Variants in LIN28B observed in about 807,000 individuals in gnomAD.
LIN28B encodes protein lin-28 homolog B.
Under a neutral mutation model 21.9 loss-of-function variants are expected in LIN28B, and 5 were observed. The observed-to-expected ratio is 0.23, with a 90% CI of 0.12 to 0.48. The LOEUF is 0.48. Ranked by LOEUF, LIN28B falls within the 20% of genes least tolerant of loss-of-function variation. The pLI is 0.98. For synonymous variants in LIN28B, 109 were observed against 111.3 expected, an observed-to-expected ratio of 0.98 and a Z score of 0.13; for missense variants, 245 against 310.5, an observed-to-expected ratio of 0.79 and a Z score of 1.58.
chr6:105,061,982 T>G (rs1037905429), intron 3 of LIN28B, among the ~76,000 whole-genome samples: 5 of 152,186 alleles, frequency 3.3e-5, no homozygotes, highest in Non-Finnish European at 7.3e-5. Flanking sequence ...CCAACTTGCC[T>G]TCCTAAACAT....
intron 2 of LIN28B, among the ~76,000 whole-genome samples, chr6:105,023,627 T>TA (rs1491252452): frequency 5.0e-4 from 33 of 65,800 alleles, no homozygotes; most frequent in African/African-American, 8.3e-4. Context: ...ATATTATATA[T>TA]TTTATATATA....
intron 3 of LIN28B, among the ~76,000 whole-genome samples, chr6:105,077,861 T>A (rs1003959281): frequency 4.6e-5 from 7 of 152,232 alleles, no homozygotes; most frequent in Non-Finnish European, 1.0e-4. Flanking sequence ...CATTACTTAA[T>A]TTTATACAAA....
upstream of LIN28B, among the ~76,000 whole-genome samples, chr6:104,953,755 G>A (rs554197325): frequency 3.9e-5 from 6 of 152,312 alleles, no homozygotes; most frequent in East Asian, 1.2e-3. Flanking sequence ...CTGGAGAGGC[G>A]GGTTGCGATG....
chr6:104,957,390 C>T (rs573112598), intron 1 of LIN28B, 130 bp downstream of exon 1: 2 of 585,664 alleles, frequency 3.4e-6, no homozygotes, highest in South Asian at 4.1e-5. Context: ...TACCTCCCAA[C>T]CCCCCATCAC....
intron 3 of LIN28B, among the ~76,000 whole-genome samples, chr6:105,057,703 T>C (rs181105784): frequency 6.6e-6 from 1 of 152,302 alleles, no homozygotes; most frequent in East Asian, 1.9e-4. Context: ...TATTTTAAAA[T>C]TGAAGTATGT....
At chr6:104,944,832 A>G (rs1019816542) in intron 2 of LIN28B, among the ~76,000 whole-genome samples, 1 of 152,160 alleles carries the variant, frequency 6.6e-6, no homozygotes, top group Non-Finnish European at 1.5e-5. Flanking sequence ...CAAAGGTGAC[A>G]AATCAGGACA....
chr6:104,962,240 C>A (rs1769762000), intron 2 of LIN28B, among the ~76,000 whole-genome samples: 1 of 151,900 alleles, frequency 6.6e-6, no homozygotes, highest in Non-Finnish European at 1.5e-5. Flanking sequence ...ATAATGTATG[C>A]ATAATGTATG....
chr6:104,992,867 T>G (rs74415270), intron 2 of LIN28B, among the ~76,000 whole-genome samples: 4,897 of 152,164 alleles, frequency 0.032, 277 homozygotes, highest in African/African-American at 0.11. Context: ...TTTACTTTTC[T>G]CAAAATTTTT....
In LIN28B at chr6:105,064,127, T is replaced by G. The variant is rs930521423; in HGVS notation, c.384-14287T>G. On this transcript the variant is annotated intron_variant, in intron 3 of 3. Transcript: ENST00000345080. ...TTTCTTGCATCTTATGTAGTGGCTC[T>G]GTGGTGCATATTTACTGTATGTTAA... 7.2e-5 allele frequency among the ~76,000 whole-genome samples: 11 copies of G among 152,178 alleles called. No homozygotes were observed. In the South Asian group the frequency reaches 1.4e-3, roughly 20 times the overall value.
intron 2 of LIN28B, among the ~76,000 whole-genome samples, chr6:105,003,054 T>G (rs1489179510): frequency 6.6e-6 from 1 of 152,204 alleles, no homozygotes; most frequent in Non-Finnish European, 1.5e-5. Context: ...AATTGTAGGT[T>G]TAAATGAAAT....
At chr6:104,989,576 G>GTTTTTTTTTT (rs34394074) in intron 2 of LIN28B, among the ~76,000 whole-genome samples, 22 of 60,576 alleles carry the variant, frequency 3.6e-4, no homozygotes, top group African/African-American at 4.2e-4. Flanking sequence ...TTTTACTTGG[G>GTTTTTTTTTT]TTTTTTTTTT....
chr6:104,999,450 T>C (rs527919529), intron 2 of LIN28B, among the ~76,000 whole-genome samples: 4 of 152,294 alleles, frequency 2.6e-5, no homozygotes, highest in Non-Finnish European at 5.9e-5. Context: ...GTTTTAATGA[T>C]AATACCTAAT....
At chr6:104,991,391 G>A (rs535811774) in intron 2 of LIN28B, among the ~76,000 whole-genome samples, 50 of 152,052 alleles carry the variant, frequency 3.3e-4, no homozygotes, top group African/African-American at 1.2e-3. Flanking sequence ...CGGCCGGGCA[G>A]AGGCGCTCCT....
chr6:104,982,041 G>A (rs551518231), intron 2 of LIN28B, among the ~76,000 whole-genome samples: 8 of 152,090 alleles, frequency 5.3e-5, no homozygotes, highest in African/African-American at 1.2e-4. Context: ...GGGCTTGGGC[G>A]CAGTGGCTCA....
intron 2 of LIN28B, among the ~76,000 whole-genome samples, chr6:105,010,619 C>T (rs1770904295): frequency 6.6e-6 from 1 of 152,128 alleles, no homozygotes; most frequent in Admixed American, 6.5e-5. Flanking sequence ...GTGGATTCAT[C>T]TGTTTATCTT....
intron 3 of LIN28B, among the ~76,000 whole-genome samples, chr6:105,036,919 A>G (rs554451728): frequency 6.6e-6 from 1 of 151,130 alleles, no homozygotes; most frequent in Non-Finnish European, 1.5e-5. Context: ...TAGAAATTTG[A>G]TATCCTTTCT....
At chr6:105,067,485 G>C (rs577023971) in intron 3 of LIN28B, among the ~76,000 whole-genome samples, 6 of 152,242 alleles carry the variant, frequency 3.9e-5, no homozygotes, top group Non-Finnish European at 5.9e-5. Context: ...TGTGAGACTG[G>C]GTCCTATTTC....
intron 3 of LIN28B, among the ~76,000 whole-genome samples, chr6:105,060,917 T>C (rs1255381956): frequency 1.3e-5 from 2 of 152,158 alleles, no homozygotes; most frequent in Non-Finnish European, 2.9e-5. Context: ...ATATAGGAAG[T>C]TGATTAATTT....
At chr6:104,949,028 A>T (rs557390639) in intron 2 of LIN28B, among the ~76,000 whole-genome samples, 3 of 151,382 alleles carry the variant, frequency 2.0e-5, no homozygotes, top group East Asian at 1.9e-4. Context: ...TGTCCAAATT[A>T]TTTGCAAAGT....
Sources: gnomAD v4.1 joint callset for allele counts (sites outside exome capture counted in the v4.1 genomes callset) on GRCh38, gnomAD v4.1.1 for gene constraint, MANE v1.5 for transcripts, NCBI Gene and HGNC (gene_info 2026-07-23, HGNC 2026-07-21) for gene names.